The following WNK2 variants were observed in gnomAD, a reference collection of about 807,000 sequenced individuals.
WNK2 encodes serine/threonine-protein kinase WNK2.
WNK2 carries 67 observed loss-of-function variants against 192.1 expected under a neutral mutation model. The ratio of observed to expected loss-of-function variants is 0.35; its 90% confidence interval spans 0.29 to 0.43. The LOEUF (loss-of-function observed/expected upper bound fraction) is 0.43, where lower values mean the gene tolerates loss of function less well. Ranked by LOEUF, WNK2 falls within the 20% of genes least tolerant of loss-of-function variation. The probability of loss-of-function intolerance (pLI) is 1.00; values close to 1 mark genes in which losing one functional copy is unlikely to be tolerated. For missense variants in WNK2, 2,698 were observed against 3,089.7 expected (o/e 0.87, Z 3.01); for synonymous variants, 1,439 against 1,393.9 (o/e 1.03, Z -0.72).
chr9:93,297,131 CTCCCCTCGGCGTCA>C lies in WNK2; in HGVS notation c.5709-714_5709-701del, dbSNP rs1290271364. On this transcript the variant is annotated intron_variant, in intron 23 of 29. Transcript: ENST00000427277. ...CCCTTGGCGTCCTCCCCTCGGCGTC[CTCCCCTCGGCGTCA>C]TCCCCTCCCCATCCTCCCCTTCCCA... Among the ~76,000 whole-genome samples the C allele has an allele frequency of 4.1e-5, 6 of 146,450 alleles. No individual in the cohort carries two copies. The East Asian group carries it at 1.0e-3, about 25-fold the overall frequency.
intron 29 of WNK2, chr9:93,318,556 G>C: frequency 6.2e-7 from 1 of 1,613,998 alleles, no homozygotes; most frequent in Non-Finnish European, 8.5e-7. Flanking sequence ...GCTGCTGTGA[G>C]TGAGGATAAG....
chr9:93,198,235 G>T (rs1041542815), intron 2 of WNK2, among the ~76,000 whole-genome samples: 6 of 152,230 alleles, frequency 3.9e-5, no homozygotes, highest in Non-Finnish European at 8.8e-5. Flanking sequence ...CCCTTTGGGT[G>T]CCTGAGGCAC....
chr9:93,289,100 T>C lies in WNK2; in HGVS notation c.4346T>C (p.Leu1449Pro). 1.9e-6 allele frequency: 3 copies of C among 1,608,454 alleles called. No homozygotes were observed. In the African/African-American group the frequency reaches 4.0e-5, roughly 21 times the overall value. ...GAGGCCCCGCTTGCTGTGCAGCCCCTCGTGGTGGGCCTAGCACCTTGCACT... is the reference window on the plus strand; with the variant it reads ...GAGGCCCCGCTTGCTGTGCAGCCCCCCGTGGTGGGCCTAGCACCTTGCACT... ...THEAPLAVQP[L>P]VVGLAPCTPA... Residue 1449 changes from leucine (L) to proline (P), a missense_variant, in exon 20 of 30, where the codon CTC (leucine) becomes CCC (proline). Coordinates refer to ENST00000427277, the MANE Select transcript of WNK2 (RefSeq NM_006648.4).
At chr9:93,235,494 T>C (rs1460440882) in intron 5 of WNK2, among the ~76,000 whole-genome samples, 1 of 152,272 alleles carries the variant, frequency 6.6e-6, no homozygotes, top group Non-Finnish European at 1.5e-5. Flanking sequence ...CCTGTTTTGC[T>C]GTCGCTGTGA....
intron 26 of WNK2, among the ~76,000 whole-genome samples, chr9:93,304,559 G>A (rs950180621): frequency 2.0e-5 from 3 of 152,260 alleles, no homozygotes; most frequent in Non-Finnish European, 4.4e-5. Flanking sequence ...GCAGCCTCCT[G>A]AAAGTTTCCT....
At chr9:93,293,735 C>T (rs1564191575) in intron 23 of WNK2, among the ~76,000 whole-genome samples, 1 of 152,134 alleles carries the variant, frequency 6.6e-6, no homozygotes, top group Non-Finnish European at 1.5e-5. Flanking sequence ...CCTCCTGCTG[C>T]ACTTGGGGGT....
intron 5 of WNK2, among the ~76,000 whole-genome samples, chr9:93,235,790 C>T (rs1839720061): frequency 6.6e-6 from 1 of 152,226 alleles, no homozygotes; most frequent in African/African-American, 2.4e-5. Flanking sequence ...GGCCGCGCTG[C>T]CCCTCAGTGC....
At chr9:93,301,094 G>A (rs1445188646) in intron 26 of WNK2, among the ~76,000 whole-genome samples, 2 of 152,250 alleles carry the variant, frequency 1.3e-5, no homozygotes, top group African/African-American at 4.8e-5. Flanking sequence ...TAGTGCCCAG[G>A]AACTCCATCT....
chr9:93,299,170 G>T lies in WNK2; in HGVS notation c.6024G>T (p.Val2008=), dbSNP rs763964842. 1.2e-6 allele frequency: 2 copies of T among 1,610,698 alleles called. No homozygotes were observed. The highest frequency in any genetic ancestry group is 1.7e-5 in the Admixed American group (1 of 59,952). The change falls in exon 25 of 30, where the codon GTG becomes GTT. Residue 2008 remains valine, a synonymous_variant. Transcript: ENST00000427277. ...ADSTGLSGKA[V]QTQQPCSVRA... is the part of the protein sequence containing the mutation. ...GCACGGGCCTGAGCGGGAAGGCAGT[G>T]CAGACCCAGCAGCCCTGCTCCGTCC...
chr9:93,242,305 T>C (rs1840909092), intron 7 of WNK2, among the ~76,000 whole-genome samples: 1 of 152,232 alleles, frequency 6.6e-6, no homozygotes, highest in African/African-American at 2.4e-5. Flanking sequence ...CTGGCTTGTC[T>C]CTGCTCACAT....
At chr9:93,310,369 G>A (rs767394153) in intron 28 of WNK2, among the ~76,000 whole-genome samples, 24 of 152,134 alleles carry the variant, frequency 1.6e-4, no homozygotes, top group Admixed American at 1.3e-4. Context: ...GATTAGCAGT[G>A]CTAACTGTTG....
chr9:93,209,847 C>T (rs963024243), intron 2 of WNK2, among the ~76,000 whole-genome samples: 2 of 152,194 alleles, frequency 1.3e-5, no homozygotes, highest in South Asian at 2.1e-4. Context: ...CTCCAGGAAG[C>T]GAGTGGGGCT....
chr9:93,231,986 A>G (rs1318651637), intron 4 of WNK2, among the ~76,000 whole-genome samples: 1 of 152,194 alleles, frequency 6.6e-6, no homozygotes, highest in Non-Finnish European at 1.5e-5. Flanking sequence ...GGATGATGGG[A>G]AAGCTGCAAC....
chr9:93,200,256 A>G (rs564615740), intron 2 of WNK2, among the ~76,000 whole-genome samples: 1 of 152,224 alleles, frequency 6.6e-6, no homozygotes, highest in African/African-American at 2.4e-5. Context: ...CCCTTGAGCC[A>G]GAGGTCCAGG....
intron 8 of WNK2, among the ~76,000 whole-genome samples, chr9:93,248,604 T>C (rs1305241069): frequency 7.2e-5 from 11 of 152,184 alleles, no homozygotes; most frequent in Admixed American, 7.2e-4. Context: ...GGACCTCCCA[T>C]CCCCCGTAGT....
chr9:93,265,544 G>A lies in WNK2; in HGVS notation c.3696+1511G>A, dbSNP rs574849197. On this transcript the variant is annotated intron_variant, in intron 16 of 29. Coordinates refer to ENST00000427277, the MANE Select transcript of WNK2 (RefSeq NM_006648.4). ...AGCAGCAAGCAGCTGGTTCGTCAGC[G>A]CAGCACAAACACCAGGTCCTCACTG... Among the ~76,000 whole-genome samples, 285 of 152,346 alleles carry A rather than the reference G, an allele frequency of 1.9e-3. 1 individual carries two copies. Among genetic ancestry groups the A allele is most frequent in the Middle Eastern group, 3.4e-3 (1 of 294 alleles).
At chr9:93,220,208 C>T (rs1836595650) in intron 2 of WNK2, among the ~76,000 whole-genome samples, 1 of 152,202 alleles carries the variant, frequency 6.6e-6, no homozygotes, top group Non-Finnish European at 1.5e-5. Context: ...GGGCTGGACA[C>T]TGTGGGGGAT....
At position 93,308,562 on chromosome 9, in the gene WNK2, C is replaced by G. The variant is rs768362397; in HGVS notation, c.6494C>G (p.Ala2165Gly). Residue 2165 changes from alanine (A) to glycine (G), a missense_variant, in exon 28 of 30, where the codon GCT becomes GGT. This residue lies in a region of WNK2 where 167 missense variants were observed against 184.2 expected (regional missense o/e 0.91). Coordinates refer to ENST00000427277, the MANE Select transcript of WNK2 (RefSeq NM_006648.4). ...LQDMEAQAGWAAPGEARAMTA... is the reference protein window; with the variant it reads ...LQDMEAQAGWGAPGEARAMTA... The stretch of plus-strand genomic sequence containing the variant: ...GACATGGAGGCCCAGGCAGGCTGGG[C>G]TGCCCCTGGCGAGGCGCGGGCTGTG... 1.4e-5 allele frequency: 22 copies of G among 1,579,656 alleles called. No individual in the cohort carries two copies. The Admixed American group carries it at 3.0e-4, about 21-fold the overall frequency.
intron 7 of WNK2, among the ~76,000 whole-genome samples, chr9:93,243,369 A>G (rs903034848): frequency 2.0e-5 from 3 of 151,956 alleles, no homozygotes; most frequent in Admixed American, 6.5e-5. Flanking sequence ...TGTGCCCATC[A>G]CCACACAAGT....
Sources: allele counts gnomAD v4.1 joint callset (sites outside exome capture counted in the v4.1 genomes callset), GRCh38; gene constraint gnomAD v4.1.1; regional missense constraint gnomAD v4.1.1; transcripts MANE v1.5; gene names NCBI Gene and HGNC (gene_info 2026-07-23, HGNC 2026-07-21).